Variants in OR3A2 observed in about 807,000 individuals in gnomAD.
OR3A2 encodes olfactory receptor family 3 subfamily A member 2, also known as olfactory receptor 3A2.
For missense variants in OR3A2, 318 were observed against 392.8 expected (o/e 0.81, Z 1.61); for synonymous variants, 126 against 159.3 (o/e 0.79, Z 1.57).
intron 2 of OR3A2, among the ~76,000 whole-genome samples, chr17:3,351,856 C>G (rs1040214944): frequency 6.6e-6 from 1 of 152,036 alleles, no homozygotes. Context: ...TGGAACAGAA[C>G]AGAGCCCTCA....
At chr17:3,367,340 T>G (rs961349049) in intron 2 of OR3A2, among the ~76,000 whole-genome samples, 2 of 152,092 alleles carry the variant, frequency 1.3e-5, no homozygotes, top group Non-Finnish European at 2.9e-5. Flanking sequence ...ACCCAATGTG[T>G]AATCTTTTAT....
At chr17:3,370,741 G>C (rs1228189520) in intron 2 of OR3A2, among the ~76,000 whole-genome samples, 1 of 151,548 alleles carries the variant, frequency 6.6e-6, no homozygotes, top group African/African-American at 2.4e-5. Flanking sequence ...GTGAACAAAG[G>C]TCTCTGGTTT....
At chr17:3,357,590 C>T (rs1432019931) in intron 2 of OR3A2, among the ~76,000 whole-genome samples, 1 of 151,458 alleles carries the variant, frequency 6.6e-6, no homozygotes, top group Non-Finnish European at 1.5e-5. Flanking sequence ...TTAATGGGTA[C>T]AGAGTTTCAA....
intron 1 of OR3A2, chr17:3,383,987 TTGTATACAATATTTATTGAATAAATA>T (rs2049759353): frequency 7.5e-5 from 3 of 40,214 alleles, no homozygotes; most frequent in African/African-American, 7.0e-4. Context: ...TGAATAAATA[TTGTATACAATATTTATTGAATAAATA>T]TTGTATACAA....
chr17:3,289,308 G>A (rs576678911), upstream of OR3A2, among the ~76,000 whole-genome samples: 2 of 152,302 alleles, frequency 1.3e-5, no homozygotes, highest in East Asian at 1.9e-4. Flanking sequence ...ATATAAAAGG[G>A]GAGAAAAATT....
intron 3 of OR3A2, among the ~76,000 whole-genome samples, chr17:3,304,915 G>A (rs2048989305): frequency 6.6e-6 from 1 of 152,188 alleles, no homozygotes; most frequent in Admixed American, 6.5e-5. Context: ...CATATGCACT[G>A]TACGATTCCA....
At chr17:3,313,934 G>A (rs2049061892) in intron 3 of OR3A2, among the ~76,000 whole-genome samples, 1 of 152,200 alleles carries the variant, frequency 6.6e-6, no homozygotes, top group South Asian at 2.1e-4. Context: ...CACATAGGAA[G>A]TCAGTGAAAC....
intron 2 of OR3A2, among the ~76,000 whole-genome samples, chr17:3,364,171 G>A (rs536377909): frequency 2.9e-4 from 44 of 152,302 alleles, no homozygotes; most frequent in Non-Finnish European, 4.4e-4. Context: ...AAATTATTGT[G>A]ACAGAGGAAG....
intron 3 of OR3A2, among the ~76,000 whole-genome samples, chr17:3,328,643 A>G (rs1017424361): frequency 6.7e-6 from 1 of 149,642 alleles, no homozygotes; most frequent in Non-Finnish European, 1.5e-5. Flanking sequence ...GCCAGTTTTC[A>G]AAGGGAATGC....
chr17:3,366,597 C>T (rs879160070), intron 2 of OR3A2, among the ~76,000 whole-genome samples: 13 of 152,158 alleles, frequency 8.5e-5, no homozygotes, highest in Admixed American at 4.6e-4. Context: ...CAAGAACATC[C>T]GATACTCTCT....
intron 3 of OR3A2, among the ~76,000 whole-genome samples, chr17:3,306,919 C>T (rs2049004704): frequency 6.6e-6 from 1 of 152,228 alleles, no homozygotes; most frequent in African/African-American, 2.4e-5. Context: ...CACTCTTATA[C>T]TTCCAAGTTT....
chr17:3,332,673 C>T (rs541510140), intron 3 of OR3A2, among the ~76,000 whole-genome samples: 93 of 152,346 alleles, frequency 6.1e-4, no homozygotes, highest in South Asian at 2.3e-3. Flanking sequence ...GCGTCGCTCA[C>T]GCTGGGAGCT....
intron 3 of OR3A2, among the ~76,000 whole-genome samples, chr17:3,334,235 A>T (rs141775040): frequency 2.0e-5 from 3 of 152,134 alleles, no homozygotes; most frequent in African/African-American, 7.2e-5. Context: ...TACCATCTTT[A>T]CTATTTTTAA....
upstream of OR3A2, among the ~76,000 whole-genome samples, chr17:3,285,002 G>T (rs1431817957): frequency 6.6e-6 from 1 of 152,042 alleles, no homozygotes. Context: ...TCTCTCCTGG[G>T]GACTTGTTAG....
rs1555530076 is a variant in OR3A2 at position 3,367,601 on chromosome 17, G to GTATATATATTATATATATATA, written c.-179+16202_-179+16203insTATATATATATAATATATATA. Among the ~76,000 whole-genome samples, 45 of 122,530 alleles carry GTATATATATTATATATATATA rather than the reference G, an allele frequency of 3.7e-4. 2 individuals are homozygous for GTATATATATTATATATATATA. The highest frequency in any genetic ancestry group is 3.9e-3 in the Middle Eastern group (1 of 256). The allele number at this position is 122,530 out of a possible 152,430, so 80.4% of individuals were successfully genotyped here. A position where few individuals can be genotyped will look rare whatever the true frequency, so the allele number is the denominator to read the frequency against. On this transcript the variant is annotated intron_variant, in intron 2 of 4. Coordinates refer to the OR3A2 transcript ENST00000573491. Reference sequence around the variant, plus strand: ...TGTATATGTATATGTGTGTGTGTGTGTATATATATATATATATATATGCCA... The same window carrying GTATATATATTATATATATATA: ...TGTATATGTATATGTGTGTGTGTGTGTATATATATTATATATATATATATATATATATATATATATATGCCA...
At chr17:3,333,486 C>A (rs1463203638) in intron 3 of OR3A2, among the ~76,000 whole-genome samples, 1 of 152,184 alleles carries the variant, frequency 6.6e-6, no homozygotes, top group African/African-American at 2.4e-5. Context: ...GTTCGTACAT[C>A]CCCTCCCCTT....
At chr17:3,303,990 C>T (rs2048984563) in intron 3 of OR3A2, among the ~76,000 whole-genome samples, 1 of 32,306 alleles carries the variant, frequency 3.1e-5, no homozygotes, top group African/African-American at 1.2e-4. Flanking sequence ...AATTATTATA[C>T]TAATAATATA....
chr17:3,372,514 T>C (rs2049638944), intron 2 of OR3A2, among the ~76,000 whole-genome samples: 1 of 151,922 alleles, frequency 6.6e-6, no homozygotes, highest in Non-Finnish European at 1.5e-5. Context: ...ATCACGCCAC[T>C]GCACTCCAGC....
chr17:3,317,709 A>G (rs1047598755), intron 3 of OR3A2, among the ~76,000 whole-genome samples: 3 of 152,204 alleles, frequency 2.0e-5, no homozygotes, highest in African/African-American at 7.2e-5. Context: ...GTCAACAAGT[A>G]TAGTGTAGAA....
Sources: gnomAD v4.1 joint callset for allele counts (sites outside exome capture counted in the v4.1 genomes callset) on GRCh38, gnomAD v4.1.1 for gene constraint, MANE v1.5 for transcripts, NCBI Gene and HGNC (gene_info 2026-07-23, HGNC 2026-07-21) for gene names.